The following XKR9 variants were observed in gnomAD, a reference collection of about 807,000 sequenced individuals.
The protein encoded by XKR9 is XK-related protein 9.
In XKR9, 32 loss-of-function variants were observed where a neutral mutation model predicts 32.0. The ratio of observed to expected loss-of-function variants is 1.00; its 90% CI spans 0.76 to 1.34. The LOEUF (loss-of-function observed/expected upper bound fraction) is 1.34, where lower values mean the gene tolerates loss of function less well. Ranked by LOEUF, XKR9 falls within the 40% of genes most tolerant of loss-of-function variation. XKR9 has a pLI of 0.00. For synonymous variants in XKR9, 168 were observed against 143.4 expected (o/e 1.17, Z -1.22); for missense variants, 546 against 429.7 (o/e 1.27, Z -2.39).
intron 1 of XKR9, chr8:70,670,565 T>C (rs888842735): frequency 2.0e-5 from 3 of 152,106 alleles, no homozygotes; most frequent in African/African-American, 7.2e-5. Flanking sequence ...GGTGGCTTTT[T>C]TTTTTCCAGA....
the XKR9 span, among the ~76,000 whole-genome samples, chr8:70,974,585 T>C: frequency 3.3e-5 from 5 of 152,380 alleles, no homozygotes; most frequent in African/African-American, 1.2e-4. Context: ...TCCTTTCTTA[T>C]GGCTGCATAG....
chr8:70,812,890 G>T, the XKR9 span, among the ~76,000 whole-genome samples: 2 of 152,198 alleles, frequency 1.3e-5, no homozygotes, highest in South Asian at 4.1e-4. Context: ...TAGATTCAAT[G>T]TCATCCCCAT....
chr8:70,952,369 A>G, the XKR9 span, among the ~76,000 whole-genome samples: 14 of 152,352 alleles, frequency 9.2e-5, no homozygotes, highest in Non-Finnish European at 1.6e-4. Context: ...CCACTACAGT[A>G]TGAAATGTTG....
At chr8:70,696,258 A>T (rs1319198883) in intron 3 of XKR9, among the ~76,000 whole-genome samples, 1 of 152,178 alleles carries the variant, frequency 6.6e-6, no homozygotes, top group Non-Finnish European at 1.5e-5. Context: ...GTCCTTGCCC[A>T]TGCCTATGTC....
In XKR9 at chr8:70,749,545, G is replaced by T. The variant is rs188758260; in HGVS notation, n.353-39794G>T. ...ACATGGAGTCGGCATCTGTGCCAGT[G>T]CCTGGAGCTGCCCCCATGCCTCACC... is the stretch of plus-strand genomic sequence containing the variant. On this transcript the variant is annotated intron_variant and non_coding_transcript_variant, in intron 2 of 3. Transcript: ENST00000520273. Among the ~76,000 whole-genome samples the T allele has an allele frequency of 3.8e-3, 578 of 150,188 alleles. 5 individuals are homozygous for T. Among genetic ancestry groups the T allele is most frequent in the African/African-American group, 0.013 (547 of 40,740 alleles).
At chr8:70,753,431 C>T (rs1357591996) in intron 2 of XKR9, among the ~76,000 whole-genome samples, 8 of 152,110 alleles carry the variant, frequency 5.3e-5, no homozygotes, top group East Asian at 3.9e-4. Flanking sequence ...CAGCATCATC[C>T]GGATACCAAA....
At chr8:71,053,514 G>A in the XKR9 span, among the ~76,000 whole-genome samples, 1 of 152,160 alleles carries the variant, frequency 6.6e-6, no homozygotes, top group East Asian at 1.9e-4. Flanking sequence ...TATAAATGCC[G>A]CAGTTCAGAC....
intron 4 of XKR9, among the ~76,000 whole-genome samples, chr8:70,721,770 T>C (rs1190873627): frequency 2.0e-5 from 3 of 152,352 alleles, no homozygotes; most frequent in South Asian, 4.1e-4. Flanking sequence ...GAGAAGAATG[T>C]ATATTCTGTT....
At chr8:70,928,815 G>A in the XKR9 span, among the ~76,000 whole-genome samples, 1 of 152,136 alleles carries the variant, frequency 6.6e-6, no homozygotes, top group South Asian at 2.1e-4. Flanking sequence ...AGAGGGTGTA[G>A]GAAGGGTATG....
At chr8:70,850,054 G>A in the XKR9 span, among the ~76,000 whole-genome samples, 1 of 152,002 alleles carries the variant, frequency 6.6e-6, no homozygotes, top group African/African-American at 2.4e-5. Context: ...AGAGGAGCTG[G>A]TACCATTCCT....
chr8:71,043,572 C>G, the XKR9 span, among the ~76,000 whole-genome samples: 1 of 152,068 alleles, frequency 6.6e-6, no homozygotes, highest in Non-Finnish European at 1.5e-5. Flanking sequence ...TTCTAGAAAC[C>G]AACCATCAAG....
At chr8:70,895,139 G>A in the XKR9 span, among the ~76,000 whole-genome samples, 1 of 152,076 alleles carries the variant, frequency 6.6e-6, no homozygotes, top group African/African-American at 2.4e-5. Flanking sequence ...TGTTGATGGG[G>A]GTTGCTAGGC....
the XKR9 span, among the ~76,000 whole-genome samples, chr8:70,882,969 T>G: frequency 1.3e-5 from 2 of 151,052 alleles, no homozygotes; most frequent in South Asian, 4.2e-4. Context: ...ATCTTTTATT[T>G]CTTCTATGTT....
At chr8:70,769,151 T>A (rs1212861243) in intron 2 of XKR9, among the ~76,000 whole-genome samples, 2 of 152,194 alleles carry the variant, frequency 1.3e-5, no homozygotes, top group Non-Finnish European at 2.9e-5. Flanking sequence ...TAGCATTTGC[T>A]TGACTGTAAA....
the XKR9 span, among the ~76,000 whole-genome samples, chr8:71,023,015 T>C: frequency 6.6e-6 from 1 of 152,212 alleles, no homozygotes; most frequent in African/African-American, 2.4e-5. Flanking sequence ...TCTGCTTTCT[T>C]TGTATTGCTT....
chr8:70,998,807 G>T, the XKR9 span, among the ~76,000 whole-genome samples: 2 of 152,190 alleles, frequency 1.3e-5, no homozygotes, highest in Non-Finnish European at 2.9e-5. Context: ...ACTGGGCATT[G>T]CTTGTGTGGT....
chr8:71,042,956 A>T, the XKR9 span, among the ~76,000 whole-genome samples: 1 of 152,130 alleles, frequency 6.6e-6, no homozygotes, highest in Non-Finnish European at 1.5e-5. Context: ...ACACAATGGA[A>T]CCATTTGTTA....
the XKR9 span, among the ~76,000 whole-genome samples, chr8:70,906,600 G>A: frequency 1.4e-3 from 207 of 152,238 alleles, no homozygotes; most frequent in African/African-American, 4.7e-3. Flanking sequence ...TGGCCATAAT[G>A]CCATTTGCTC....
chr8:70,700,403 C>G (rs1805477022), intron 3 of XKR9, among the ~76,000 whole-genome samples: 1 of 152,210 alleles, frequency 6.6e-6, no homozygotes, highest in Admixed American at 6.5e-5. Flanking sequence ...TTCTGACAGA[C>G]AGGACCCTCA....
Sources: gnomAD v4.1 joint callset for allele counts (sites outside exome capture counted in the v4.1 genomes callset) on GRCh38, gnomAD v4.1.1 for gene constraint, MANE v1.5 for transcripts, NCBI Gene and HGNC (gene_info 2026-07-23, HGNC 2026-07-21) for gene names.